Variants in ABLIM2 observed in about 807,000 individuals in gnomAD.
The protein encoded by ABLIM2 is actin binding LIM protein family member 2, also known as actin-binding LIM protein 2.
In ABLIM2, 53 loss-of-function variants were observed where a neutral mutation model predicts 97.7. That is an observed-to-expected ratio of 0.54 (90% CI 0.44 to 0.68). The LOEUF (loss-of-function observed/expected upper bound fraction) is 0.68, where lower values mean the gene tolerates loss of function less well. ABLIM2 is among the 30% of genes least tolerant of loss of function. The pLI, the probability that ABLIM2 is intolerant of heterozygous loss-of-function variation, is 0.00. For synonymous variants in ABLIM2, 361 were observed against 345.8 expected (o/e 1.04, Z -0.49); for missense variants, 835 against 867.2 (o/e 0.96, Z 0.47).
At position 8,145,745 on chromosome 4, in the gene ABLIM2, TACACACACACACACACACACACAC is replaced by T. The variant is rs34195989; in HGVS notation, c.10+12911_10+12934del. On this transcript the variant is annotated intron_variant, in intron 1 of 20. Coordinates refer to ENST00000447017, the MANE Select transcript of ABLIM2 (RefSeq NM_001130083.2). ...AAATTATCCCCAGACTACACACTCATACACACACACACACACACACACACACACACACACACACACACACGAGAT... is the reference window on the plus strand; with the variant it reads ...AAATTATCCCCAGACTACACACTCATACACACACACACACACACACGAGAT... 8.0e-3 allele frequency among the ~76,000 whole-genome samples: 1,110 copies of T among 138,682 alleles called. 10 individuals carry two copies. Among genetic ancestry groups the T allele is most frequent in the Non-Finnish European group, 9.8e-3 (630 of 63,982 alleles). 91.0% of individuals were successfully genotyped at this position (138,682 alleles called of 152,430 possible).
In ABLIM2 at chr4:8,005,191, T is replaced by G. The variant is rs1171740059; in HGVS notation, c.1618+2868A>C. On this transcript the variant is annotated intron_variant, in intron 16 of 20. Coordinates refer to ENST00000447017, the MANE Select transcript of ABLIM2 (RefSeq NM_001130083.2). This position sits in a 1 kb window ranked among gnomAD's most constrained non-coding sequence, Gnocchi z 4.9. ...CGGGCAGGCGGCGGCGGGATGCGTG[T>G]GCGCTCGCTCTGTCGGCGTCTCTGC... is the stretch of plus-strand genomic sequence containing the variant. 1.4e-5 allele frequency: 6 copies of G among 413,900 alleles called. No homozygotes were observed. The highest frequency in any genetic ancestry group is 1.0e-4 in the Admixed American group (4 of 38,406). 25.6% of individuals were successfully genotyped at this position (413,900 alleles called of 1,614,324 possible).
intron 14 of ABLIM2, among the ~76,000 whole-genome samples, chr4:8,018,079 C>T (rs970588933): frequency 5.3e-5 from 8 of 151,938 alleles, no homozygotes; most frequent in South Asian, 2.1e-4. Flanking sequence ...GGACTGAGGT[C>T]GAAACTCTTT....
chr4:7,986,353 C>G lies in ABLIM2; in HGVS notation c.1681-1460G>C, dbSNP rs1744085239. Among the ~76,000 whole-genome samples, 2 of 152,140 alleles carry G rather than the reference C, an allele frequency of 1.3e-5. No individual in the cohort carries two copies. The highest frequency in any genetic ancestry group is 4.1e-4 in the South Asian group (2 of 4,826). On this transcript the variant is annotated intron_variant, in intron 17 of 20. Transcript: ENST00000447017. The surrounding 1 kb of genome is among the most constrained non-coding windows in gnomAD (Gnocchi z 4.3). Reference sequence around the variant, plus strand: ...AAGCCCTTTATCTGAAACAGGAAAACCGAGGCCCCGAGGGAAGCTGGACCT... The same window carrying G: ...AAGCCCTTTATCTGAAACAGGAAAAGCGAGGCCCCGAGGGAAGCTGGACCT...
In ABLIM2 at chr4:8,044,641, GAC is replaced by G. The variant is rs531358817; in HGVS notation, c.900+521_900+522del. Among the ~76,000 whole-genome samples the G allele has an allele frequency of 1.2e-4, 15 of 124,128 alleles. No individual in the cohort carries two copies. Among genetic ancestry groups the G allele is most frequent in the East Asian group, 7.1e-4 (3 of 4,238 alleles). 81.4% of individuals were successfully genotyped at this position (124,128 alleles called of 152,430 possible). On this transcript the variant is annotated intron_variant, in intron 9 of 20. Coordinates refer to ENST00000447017, the MANE Select transcript of ABLIM2 (RefSeq NM_001130083.2). This position sits in a 1 kb window ranked among gnomAD's most constrained non-coding sequence, Gnocchi z 4.4. The stretch of plus-strand genomic sequence containing the variant: ...ATTATGGAAGCGTGTGAGGCGCACA[GAC>G]ACACACACACACACACACACACAGA...
chr4:8,088,112 A>C, intron 4 of ABLIM2, 57 bp downstream of exon 4: 1 of 272,784 alleles, frequency 3.7e-6, no homozygotes, highest in Non-Finnish European at 6.4e-6. Flanking sequence ...CCACCCATTT[A>C]GCACCCCCCA....
At chr4:8,101,475 T>A (rs572562270) in intron 2 of ABLIM2, among the ~76,000 whole-genome samples, 37 of 152,348 alleles carry the variant, frequency 2.4e-4, no homozygotes, top group Non-Finnish European at 4.4e-4. Flanking sequence ...AGGAAGCACG[T>A]GTGCAGGCAT....
intron 20 of ABLIM2, among the ~76,000 whole-genome samples, chr4:7,982,078 C>G (rs760774877): frequency 1.3e-5 from 2 of 151,978 alleles, no homozygotes; most frequent in Non-Finnish European, 2.9e-5. Context: ...CCATGCCCCT[C>G]CAACTCCCTC....
rs1237687347 is a variant in ABLIM2, at chr4:8,122,885, T to C, written c.11-16248A>G. 6.6e-6 allele frequency among the ~76,000 whole-genome samples: 1 copy of C among 151,930 alleles called. No individual in the cohort carries two copies. The highest frequency in any genetic ancestry group is 3.2e-3 in the Middle Eastern group (1 of 316). On this transcript the variant is annotated intron_variant, in intron 1 of 20. Transcript: ENST00000447017. The surrounding 1 kb of genome is among the most constrained non-coding windows in gnomAD (Gnocchi z 4.1). ...GCCTTTTCCACCATGCCCCACCGCG[T>C]GGATGAGGGGATGGGAGAGGGAGAG...
In ABLIM2 at chr4:8,112,091, C is replaced by T. The variant is rs915133184; in HGVS notation, c.11-5454G>A. 6.6e-6 allele frequency among the ~76,000 whole-genome samples: 1 copy of T among 152,198 alleles called. No individual in the cohort carries two copies. The highest frequency in any genetic ancestry group is 6.5e-5 in the Admixed American group (1 of 15,282). ...GTGCTAAGAATCTATCACACAGGGGCTGAGAGTATTTAATCCCTCATGATA... is the reference window on the plus strand; with the variant it reads ...GTGCTAAGAATCTATCACACAGGGGTTGAGAGTATTTAATCCCTCATGATA... On this transcript the variant is annotated intron_variant, in intron 1 of 20. Coordinates refer to ENST00000447017, the MANE Select transcript of ABLIM2 (RefSeq NM_001130083.2). This position sits in a 1 kb window ranked among gnomAD's most constrained non-coding sequence, Gnocchi z 4.2.
chr4:8,018,455 C>T (rs576182044), intron 14 of ABLIM2, among the ~76,000 whole-genome samples: 1 of 152,312 alleles, frequency 6.6e-6, no homozygotes, highest in East Asian at 1.9e-4. Flanking sequence ...GCCCATCCCG[C>T]TCTGATCCCT....
chr4:8,046,803 GC>G lies in ABLIM2; in HGVS notation c.823-1563del, dbSNP rs148459022. Among the ~76,000 whole-genome samples, 1,192 of 152,292 alleles carry G rather than the reference GC, an allele frequency of 7.8e-3. 8 individuals carry two copies. The highest frequency in any genetic ancestry group is 0.012 in the Non-Finnish European group (826 of 68,032). On this transcript the variant is annotated intron_variant, in intron 8 of 20. Coordinates refer to ENST00000447017, the MANE Select transcript of ABLIM2 (RefSeq NM_001130083.2). The surrounding 1 kb of genome is among the most constrained non-coding windows in gnomAD (Gnocchi z 4.4). ...ACTAGGATGGGCCCTAATCTGTTATGCCTGGGGTTTCTACGAGCAGGGATCA... is the reference window on the plus strand; with the variant it reads ...ACTAGGATGGGCCCTAATCTGTTATGCTGGGGTTTCTACGAGCAGGGATCA...
At chr4:7,989,872 A>T (rs972988100) in intron 17 of ABLIM2, among the ~76,000 whole-genome samples, 6 of 152,194 alleles carry the variant, frequency 3.9e-5, no homozygotes, top group Admixed American at 6.5e-5. Context: ...CATCAGAGTC[A>T]TTACTGCCTT....
chr4:8,150,486 C>T lies in ABLIM2; in HGVS notation c.10+8194G>A. ...AGAGGCAGCATGCTAGCCGCAGTGA[C>T]ACTGAGCACTTTTCTTGGTGCGCTG... On this transcript the variant is annotated intron_variant, in intron 1 of 20. Transcript: ENST00000447017. This position sits in a 1 kb window ranked among gnomAD's most constrained non-coding sequence, Gnocchi z 6.3. Among the ~76,000 whole-genome samples, 1 of 152,236 alleles carries T rather than the reference C, an allele frequency of 6.6e-6. No homozygotes were observed. Among genetic ancestry groups the T allele is most frequent in the East Asian group, 1.9e-4 (1 of 5,198 alleles).
intron 1 of ABLIM2, among the ~76,000 whole-genome samples, chr4:8,121,373 C>T (rs1845363129): frequency 1.3e-5 from 2 of 152,224 alleles, no homozygotes; most frequent in Admixed American, 1.3e-4. Flanking sequence ...CTCCAGGCCT[C>T]CAGTCGCTGG....
At chr4:8,012,979 C>T (rs1766082923) in intron 14 of ABLIM2, among the ~76,000 whole-genome samples, 1 of 152,176 alleles carries the variant, frequency 6.6e-6, no homozygotes, top group Non-Finnish European at 1.5e-5. Context: ...GTGCACTGTA[C>T]TGTCTTAAGA....
At chr4:8,060,836 G>C (rs1169749399) in intron 7 of ABLIM2, 131 bp downstream of exon 7, 3 of 748,274 alleles carry the variant, frequency 4.0e-6, no homozygotes, top group Admixed American at 2.3e-5. Flanking sequence ...CCGGCTCCCC[G>C]CTGTGGCTGG....
chr4:8,001,876 C>T lies in ABLIM2; in HGVS notation c.1618+6183G>A, dbSNP rs1477006146. On this transcript the variant is annotated intron_variant, in intron 16 of 20. Transcript: ENST00000447017. This position sits in a 1 kb window ranked among gnomAD's most constrained non-coding sequence, Gnocchi z 4.2. ...CACTTCCTCTGTGGAATCTCCTGCC[C>T]CCCGATGGCACCTTCCCACCTGCCC... 2.0e-5 allele frequency among the ~76,000 whole-genome samples: 3 copies of T among 152,196 alleles called. No individual in the cohort carries two copies. Among genetic ancestry groups the T allele is most frequent in the African/African-American group, 7.2e-5 (3 of 41,444 alleles).
intron 1 of ABLIM2, among the ~76,000 whole-genome samples, chr4:8,134,182 G>C (rs1323488717): frequency 6.6e-6 from 1 of 152,226 alleles, no homozygotes; most frequent in African/African-American, 2.4e-5. Flanking sequence ...AGGATGTTGA[G>C]CGGCCATGAG....
At chr4:8,141,922 G>T (rs1329310159) in intron 1 of ABLIM2, among the ~76,000 whole-genome samples, 1 of 152,226 alleles carries the variant, frequency 6.6e-6, no homozygotes, top group Non-Finnish European at 1.5e-5. Flanking sequence ...CTGAGAAGAG[G>T]GGGAGGGCCC....
Sources: allele counts gnomAD v4.1 joint callset (sites outside exome capture counted in the v4.1 genomes callset), GRCh38; gene constraint gnomAD v4.1.1; non-coding constraint Gnocchi (gnomAD v3.1); transcripts MANE v1.5; gene names NCBI Gene and HGNC (gene_info 2026-07-23, HGNC 2026-07-21).